SPTBN5: variants seen among roughly 807,000 people sequenced by gnomAD.
The protein encoded by SPTBN5 is spectrin beta chain, non-erythrocytic 5.
SPTBN5 carries 513 observed loss-of-function variants against 477.6 expected under a neutral mutation model. The observed-to-expected ratio is 1.07, with a 90% CI of 1.00 to 1.16. The LOEUF (loss-of-function observed/expected upper bound fraction) is 1.16, where lower values mean the gene tolerates loss of function less well. SPTBN5 is among the 50% of genes most tolerant of loss of function. The pLI is 0.00. For missense variants in SPTBN5, 5,062 were observed against 4,731.8 expected, an observed-to-expected ratio of 1.07 and a Z score of -2.05; for synonymous variants, 2,169 against 2,011.7, an observed-to-expected ratio of 1.08 and a Z score of -2.09.
chr15:41,851,290 G>T lies in SPTBN5; in HGVS notation c.10736C>A (p.Ala3579Glu). ...SLSLFLDERM[A>E]AEKVASIALL... ...CCCTACCCCGCCTGGTACCTCCGCTGCCATCCTCTCATCCAGGAACAGGCT... is the reference window on the plus strand; with the variant it reads ...CCCTACCCCGCCTGGTACCTCCGCTTCCATCCTCTCATCCAGGAACAGGCT... Residue 3579 changes from alanine to glutamate, a missense_variant, in exon 64 of 68, where the codon GCA becomes GAA. Physicochemically the swap from Ala to Glu is moderately radical, Grantham distance 107. Transcript: ENST00000320955. The T allele has an allele frequency of 6.4e-7, 1 of 1,551,208 alleles. No individual in the cohort carries two copies. The highest frequency in any genetic ancestry group is 1.4e-5 in the African/African-American group (1 of 73,122).
chr15:41,854,346 T>TA (rs1437899351), intron 56 of SPTBN5, 141 bp from the exon 57 acceptor site: 6 of 759,578 alleles, frequency 7.9e-6, no homozygotes, highest in African/African-American at 2.1e-5. Flanking sequence ...ACAGAAACCA[T>TA]CCTCCATGCT....
Position 41,852,811 on chromosome 15 carries a change from G to C in SPTBN5, c.10347+13C>G. 6.2e-7 allele frequency: 1 copy of C among 1,610,874 alleles called. No homozygotes were observed. The highest frequency in any genetic ancestry group is 8.5e-7 in the Non-Finnish European group (1 of 1,178,384). ...AGCCTGGTAGCCAGCTAAGGGGCAGGACCCCCACTCACCCCATAGTCGGGC... is the reference window on the plus strand; with the variant it reads ...AGCCTGGTAGCCAGCTAAGGGGCAGCACCCCCACTCACCCCATAGTCGGGC... On this transcript the variant is annotated intron_variant, in intron 60 of 67. Coordinates refer to ENST00000320955, the MANE Select transcript of SPTBN5 (RefSeq NM_016642.4).
At chr15:41,890,675 C>T (rs2140971808) in intron 3 of SPTBN5, among the ~76,000 whole-genome samples, 1 of 152,360 alleles carries the variant, frequency 6.6e-6, no homozygotes, top group Non-Finnish European at 1.5e-5. Context: ...TCTGTTCCGG[C>T]TCCAACAGGG....
intron 3 of SPTBN5, chr15:41,892,662 GT>G: frequency 2.0e-6 from 1 of 497,202 alleles, no homozygotes; most frequent in South Asian, 3.5e-5. Flanking sequence ...TTCCACCCCA[GT>G]AGGGACCTGG....
intron 41 of SPTBN5, 120 bp downstream of exon 41, chr15:41,863,584 G>A (rs2066191806): frequency 1.3e-6 from 1 of 758,068 alleles, no homozygotes; most frequent in African/African-American, 1.7e-5. Flanking sequence ...CCACCTCCAA[G>A]TACCCAGCTG....
rs749007004 is a variant in SPTBN5 at position 41,863,962 on chromosome 15, C to G, written c.6981G>C (p.Arg2327=). ...ISDLSLQLKN[R]DPEEVKIICQ... ...AGATGATCTTGACTTCCTCAGGGTC[C>G]CGGTTCTTGAGCTGCAGTGACAAGT... The change falls in exon 40 of 68, where the codon CGG becomes CGC. Residue 2327 remains arginine, a synonymous_variant. Coordinates refer to ENST00000320955, the MANE Select transcript of SPTBN5 (RefSeq NM_016642.4). 1.9e-6 allele frequency: 3 copies of G among 1,613,854 alleles called. No homozygotes were observed. Among genetic ancestry groups the G allele is most frequent in the Non-Finnish European group, 1.7e-6 (2 of 1,179,880 alleles).
At chr15:41,886,453 G>C in intron 6 of SPTBN5, 87 bp from the exon 7 acceptor site, 6 of 1,417,042 alleles carry the variant, frequency 4.2e-6, no homozygotes, top group Non-Finnish European at 5.6e-6. Context: ...TTCCCCAGGT[G>C]GGCTGTAGCT....
Position 41,876,213 on chromosome 15 carries a change from G to C in SPTBN5, c.4023C>G (p.Pro1341=), listed in dbSNP as rs375458586. ...GCAGGATGTTTCTGCGCGCTCCGGA[G>C]GGCTCATGCGCAGCCATCAGCCCCT... ...EEKGLMAAHE[P]SGARRNILQT... Residue 1341 remains proline (P), a synonymous_variant, in exon 21 of 68, where the codon CCC becomes CCG. Coordinates refer to ENST00000320955, the MANE Select transcript of SPTBN5 (RefSeq NM_016642.4). 3 of 1,604,526 alleles carry C rather than the reference G, an allele frequency of 1.9e-6. No individual in the cohort carries two copies. In the African/African-American group the frequency reaches 4.0e-5, roughly 21 times the overall value.
At chr15:41,880,458 G>T in intron 13 of SPTBN5, 146 bp from the exon 14 acceptor site, 2 of 851,466 alleles carry the variant, frequency 2.3e-6, no homozygotes, top group Non-Finnish European at 3.6e-6. Context: ...TCACTGCTGG[G>T]CCCCACATCC....
intron 41 of SPTBN5, 119 bp from the exon 42 acceptor site, chr15:41,863,022 C>A: frequency 1.1e-6 from 1 of 911,924 alleles, no homozygotes; most frequent in Non-Finnish European, 1.7e-6. Context: ...ATTTCCTGGC[C>A]CCGACTTTGA....
In SPTBN5 at chr15:41,880,312, G is replaced by A. The variant is rs1011888533; in HGVS notation, c.2659C>T (p.Leu887Phe). Residue 887 changes from leucine to phenylalanine, a missense_variant and splice_region_variant, in exon 14 of 68, where the codon CTC (leucine) becomes TTC (phenylalanine). Physicochemically the swap from Leu to Phe is conservative, Grantham distance 22. Transcript: ENST00000320955. The stretch of plus-strand genomic sequence containing the variant: ...GCCTCCTCCAACCGGGCCCTGCGGA[G>A]CTGGGGAGAGGTGGCCCAAGGCTGG... ...DYESLRALAQ[L>F]RRARLEEAMA... 34 of 1,598,962 alleles carry A rather than the reference G, an allele frequency of 2.1e-5. No individual in the cohort carries two copies. Among genetic ancestry groups the A allele is most frequent in the Non-Finnish European group, 2.8e-5 (33 of 1,173,940 alleles).
intron 22 of SPTBN5, 63 bp downstream of exon 22, chr15:41,875,395 G>T (rs999530413): frequency 1.9e-5 from 30 of 1,544,326 alleles, no homozygotes; most frequent in Non-Finnish European, 2.4e-5. Context: ...CTCCCTCCCC[G>T]TTCTGTCCAG....
intron 66 of SPTBN5, chr15:41,850,358 A>T: frequency 4.0e-6 from 1 of 248,806 alleles, no homozygotes; most frequent in South Asian, 7.0e-5. Flanking sequence ...TCAGCAGAGC[A>T]CGCTGACCAC....
At chr15:41,848,948 C>T (rs1184534360) in intron 67 of SPTBN5, among the ~76,000 whole-genome samples, 5 of 152,104 alleles carry the variant, frequency 3.3e-5, no homozygotes, top group Admixed American at 3.3e-4. Flanking sequence ...AAGGCCTGTC[C>T]CGTCAGCAAC....
At chr15:41,853,041 G>C in intron 59 of SPTBN5, 41 bp from the exon 60 acceptor site, 2 of 1,474,186 alleles carry the variant, frequency 1.4e-6, no homozygotes, top group South Asian at 2.8e-5. Flanking sequence ...CTTGGGTAGG[G>C]CTCCCACCAT....
In SPTBN5 at chr15:41,879,423, G is replaced by C. The variant is rs1289791401; in HGVS notation, c.3019C>G (p.Gln1007Glu). ...AHSVEVCSFL[Q>E]ECGPTQVQLR... ...TGGACCTGTGTGGGTCCACACTCCT[G>C]CAGAAAACTGCACACTTCCACACTG... is the stretch of plus-strand genomic sequence containing the variant. Residue 1007 changes from glutamine to glutamate, a missense_variant, in exon 16 of 68, where the codon CAG (glutamine) becomes GAG (glutamate). Transcript: ENST00000320955. The C allele has an allele frequency of 6.2e-7, 1 of 1,609,518 alleles. No individual in the cohort carries two copies. Among genetic ancestry groups the C allele is most frequent in the Non-Finnish European group, 8.5e-7 (1 of 1,179,154 alleles).
chr15:41,879,074 TA>T (rs2066851295), intron 16 of SPTBN5, among the ~76,000 whole-genome samples, 185 bp downstream of exon 16: 1 of 151,804 alleles, frequency 6.6e-6, no homozygotes, highest in South Asian at 2.1e-4. Context: ...CAAAAAGAAA[TA>T]AAAAAACATA....
intron 56 of SPTBN5, among the ~76,000 whole-genome samples, chr15:41,854,516 G>A (rs1329734113): frequency 3.9e-5 from 6 of 152,086 alleles, no homozygotes; most frequent in African/African-American, 1.4e-4. Flanking sequence ...GCTGACCCTG[G>A]CAGTACCACC....
At chr15:41,869,753 A>C in intron 32 of SPTBN5, 88 bp downstream of exon 32, 1 of 1,286,390 alleles carries the variant, frequency 7.8e-7, no homozygotes, top group Non-Finnish European at 1.0e-6. Flanking sequence ...CTCCCTCCGG[A>C]GCTGGAGGGC....
Sources: allele counts gnomAD v4.1 joint callset (sites outside exome capture counted in the v4.1 genomes callset), GRCh38; gene constraint gnomAD v4.1.1; transcripts MANE v1.5; gene names NCBI Gene and HGNC (gene_info 2026-07-23, HGNC 2026-07-21).